Variants in GLMN observed in about 807,000 individuals in gnomAD.
GLMN encodes the protein glomulin.
Under a neutral mutation model 87.8 loss-of-function variants are expected in GLMN, and 75 were observed. The observed-to-expected ratio is 0.85, with a 90% CI of 0.71 to 1.04. The LOEUF (loss-of-function observed/expected upper bound fraction) is 1.04, where lower values mean the gene tolerates loss of function less well. Ranked by LOEUF, GLMN falls within the 50% of genes least tolerant of loss-of-function variation. GLMN has a pLI of 0.00. For synonymous variants in GLMN, 206 were observed against 221.6 expected, an observed-to-expected ratio of 0.93 and a Z score of 0.63; for missense variants, 588 against 658.8, an observed-to-expected ratio of 0.89 and a Z score of 1.18.
the GLMN span, among the ~76,000 whole-genome samples, chr1:92,338,634 G>A: frequency 7.4e-5 from 11 of 148,370 alleles, no homozygotes; most frequent in Admixed American, 7.7e-4. Context: ...AGATCAGGCA[G>A]AGGCTGATCA....
chr1:92,350,705 C>T, the GLMN span, among the ~76,000 whole-genome samples: 5 of 152,142 alleles, frequency 3.3e-5, no homozygotes, highest in Non-Finnish European at 5.9e-5. Flanking sequence ...TCTGGGAGGC[C>T]GAGGCAGGCG....
At chr1:92,360,698 G>C in the GLMN span, among the ~76,000 whole-genome samples, 1 of 151,994 alleles carries the variant, frequency 6.6e-6, no homozygotes. Context: ...CTCTCTCCTT[G>C]CCTTAAATGT....
At position 92,263,658 on chromosome 1, in the gene GLMN, C is replaced by G; in HGVS notation, c.1374G>C (p.Glu458Asp). The G allele has an allele frequency of 6.3e-7, 1 of 1,586,238 alleles. No homozygotes were observed. Among genetic ancestry groups the G allele is most frequent in the Non-Finnish European group, 8.7e-7 (1 of 1,154,618 alleles). ...SLLDLVLFLP[E>D]GAETDLLQNS... is the part of the protein sequence containing the mutation. ...TTTGCAGTAAATCTGTTTCTGCACC[C>G]TCTGGGAGAAAAAGTACCAAATCAA... Residue 458 changes from glutamate to aspartate, a missense_variant, in exon 15 of 19, where the codon GAG becomes GAC. By Grantham distance (45) the Glu-to-Asp change is conservative. Coordinates refer to ENST00000370360, the MANE Select transcript of GLMN (RefSeq NM_053274.3).
chr1:92,328,943 C>T, the GLMN span, among the ~76,000 whole-genome samples: 1 of 152,172 alleles, frequency 6.6e-6, no homozygotes, highest in Non-Finnish European at 1.5e-5. Context: ...AGCAGAGCTA[C>T]CAGGCTTCTG....
At chr1:92,355,901 A>C in the GLMN span, among the ~76,000 whole-genome samples, 2 of 152,218 alleles carry the variant, frequency 1.3e-5, no homozygotes, top group African/African-American at 4.8e-5. Context: ...GATAAGGGAT[A>C]CTCAAACTAT....
the GLMN span, among the ~76,000 whole-genome samples, chr1:92,358,717 A>G: frequency 6.6e-6 from 1 of 151,958 alleles, no homozygotes; most frequent in Non-Finnish European, 1.5e-5. Context: ...CCTCCCGTGC[A>G]GCTGGGACCA....
intron 3 of GLMN, among the ~76,000 whole-genome samples, 191 bp from the exon 4 acceptor site, chr1:92,291,728 A>T (rs1267219985): frequency 6.6e-6 from 1 of 152,210 alleles, no homozygotes; most frequent in Non-Finnish European, 1.5e-5. Flanking sequence ...ATAGTTTTTA[A>T]TATGTTCCCT....
At chr1:92,252,347 T>C (rs781545760) in intron 16 of GLMN, among the ~76,000 whole-genome samples, 12 of 152,190 alleles carry the variant, frequency 7.9e-5, no homozygotes, top group Non-Finnish European at 1.3e-4. Flanking sequence ...TGTGCCGTGA[T>C]TGCGCCACTG....
the GLMN span, among the ~76,000 whole-genome samples, chr1:92,347,169 G>A: frequency 2.1e-4 from 32 of 152,232 alleles, no homozygotes; most frequent in Non-Finnish European, 4.3e-4. Flanking sequence ...TGAATGCCCT[G>A]ATATAAATTT....
chr1:92,359,812 G>A, the GLMN span, among the ~76,000 whole-genome samples: 4 of 152,172 alleles, frequency 2.6e-5, no homozygotes, highest in Non-Finnish European at 5.9e-5. Context: ...AAGAGGCAGA[G>A]GATGTTAAAT....
At chr1:92,259,732 C>CCTT (rs778609233) in intron 16 of GLMN, among the ~76,000 whole-genome samples, 2 of 108,192 alleles carry the variant, frequency 1.8e-5, no homozygotes, top group Non-Finnish European at 3.7e-5. Flanking sequence ...TTTTTTCTTT[C>CCTT]TTTTTTTTTT....
chr1:92,324,368 C>T, the GLMN span: 5 of 1,611,082 alleles, frequency 3.1e-6, no homozygotes, highest in Non-Finnish European at 4.2e-6. Flanking sequence ...TCACAAGACT[C>T]AGAAGAGGTA....
At chr1:92,367,139 C>T in the GLMN span, among the ~76,000 whole-genome samples, 1 of 152,164 alleles carries the variant, frequency 6.6e-6, no homozygotes, top group Non-Finnish European at 1.5e-5. Flanking sequence ...ATTCCTTTAC[C>T]ATCTCCAAAG....
chr1:92,276,257 C>G (rs1187144795), intron 7 of GLMN, among the ~76,000 whole-genome samples: 1 of 151,442 alleles, frequency 6.6e-6, no homozygotes, highest in Non-Finnish European at 1.5e-5. Context: ...ACATATAATT[C>G]TATATTAAAT....
chr1:92,312,278 G>A, the GLMN span, among the ~76,000 whole-genome samples: 1 of 152,126 alleles, frequency 6.6e-6, no homozygotes, highest in East Asian at 1.9e-4. Context: ...TTAGCTGGGT[G>A]TGGTGGCACA....
At chr1:92,257,958 T>A (rs1654478171) in intron 16 of GLMN, among the ~76,000 whole-genome samples, 1 of 151,910 alleles carries the variant, frequency 6.6e-6, no homozygotes, top group Non-Finnish European at 1.5e-5. Context: ...AAAGAAACTA[T>A]CATCAGAGTA....
chr1:92,255,186 G>C (rs1654057213), intron 16 of GLMN, among the ~76,000 whole-genome samples: 1 of 151,804 alleles, frequency 6.6e-6, no homozygotes, highest in African/African-American at 2.4e-5. Flanking sequence ...ATGGTAAAGG[G>C]ATCAATGCAA....
At chr1:92,297,580 A>C in intron 2 of GLMN, 51 bp from the exon 3 acceptor site, 1 of 1,418,440 alleles carries the variant, frequency 7.1e-7, no homozygotes, top group Non-Finnish European at 9.8e-7. Context: ...AGTATATGCA[A>C]ATAAAAATTA....
chr1:92,265,461 T>C (rs1158903305), intron 13 of GLMN, among the ~76,000 whole-genome samples: 1 of 152,044 alleles, frequency 6.6e-6, no homozygotes, highest in Non-Finnish European at 1.5e-5. Context: ...TTACTATCAA[T>C]AGAAAACAAG....
Sources: allele counts gnomAD v4.1 joint callset (sites outside exome capture counted in the v4.1 genomes callset), GRCh38; gene constraint gnomAD v4.1.1; transcripts MANE v1.5; gene names NCBI Gene and HGNC (gene_info 2026-07-23, HGNC 2026-07-21).